Variants in FSTL5 observed in about 807,000 individuals in gnomAD.
FSTL5 encodes follistatin-related protein 5.
FSTL5 carries 62 observed loss-of-function variants against 89.1 expected under a neutral mutation model. The ratio of observed to expected loss-of-function variants is 0.70; its 90% CI spans 0.57 to 0.86. FSTL5 has a LOEUF of 0.86. Among genes scored for constraint, FSTL5 ranks in the 40% least tolerant of loss-of-function variants. FSTL5 has a pLI of 0.00. For synonymous variants in FSTL5, 383 were observed against 346.2 expected (o/e 1.11, Z -1.18); for missense variants, 1,057 against 1,001.6 (o/e 1.06, Z -0.75).
rs756706183 is a variant in FSTL5, at chr4:161,920,378, A to C, written c.409+26T>G. The C allele has an allele frequency of 2.5e-6, 4 of 1,604,474 alleles. No homozygotes were observed. In the South Asian group the frequency reaches 4.4e-5, roughly 18 times the overall value. ...GAAAGAAAAGAAATAGAGTGGGGTG[A>C]CACTTAAGGTTCACCCTTCATTTAC... On this transcript the variant is annotated intron_variant, in intron 4 of 15. Transcript: ENST00000306100.
intron 1 of FSTL5, among the ~76,000 whole-genome samples, chr4:162,121,088 T>C (rs985213799): frequency 3.3e-5 from 5 of 151,814 alleles, no homozygotes; most frequent in Non-Finnish European, 5.9e-5. Flanking sequence ...ATATATAATT[T>C]TGAATTTGTA....
At chr4:161,396,454 C>A in intron 15 of FSTL5, among the ~76,000 whole-genome samples, 1 of 145,754 alleles carries the variant, frequency 6.9e-6, no homozygotes. Flanking sequence ...CCATCCTAGC[C>A]AACATGGTGA....
intron 6 of FSTL5, among the ~76,000 whole-genome samples, chr4:161,663,938 T>C (rs1018338668): frequency 9.9e-5 from 15 of 152,192 alleles, no homozygotes; most frequent in African/African-American, 3.6e-4. Context: ...ACGTGGAAAC[T>C]GCCAAGGCTT....
At chr4:161,480,997 TA>T in intron 13 of FSTL5, 22 bp downstream of exon 13, 2 of 1,536,564 alleles carry the variant, frequency 1.3e-6, no homozygotes, top group South Asian at 1.2e-5. Flanking sequence ...ATTTACTTTT[TA>T]AAAAGTAGTA....
At chr4:161,494,115 G>T (rs1412118327) in intron 12 of FSTL5, among the ~76,000 whole-genome samples, 1 of 152,126 alleles carries the variant, frequency 6.6e-6, no homozygotes, top group Non-Finnish European at 1.5e-5. Flanking sequence ...GGAATAGTTA[G>T]AAGTAGTTTA....
intron 2 of FSTL5, among the ~76,000 whole-genome samples, chr4:162,072,215 G>C (rs114663118): frequency 6.6e-6 from 1 of 151,644 alleles, no homozygotes; most frequent in Non-Finnish European, 1.5e-5. Context: ...AGTTAATAAG[G>C]AACATCTAAT....
intron 15 of FSTL5, among the ~76,000 whole-genome samples, chr4:161,446,091 C>T (rs74398144): frequency 0.016 from 2,427 of 151,958 alleles, 31 homozygotes; most frequent in Non-Finnish European, 0.027. Flanking sequence ...TAAAAAGATA[C>T]AAAATATTAA....
At chr4:161,453,591 A>G (rs1733246671) in intron 15 of FSTL5, among the ~76,000 whole-genome samples, 2 of 152,076 alleles carry the variant, frequency 1.3e-5, no homozygotes, top group African/African-American at 2.4e-5. Flanking sequence ...ATGTGTAATA[A>G]TAATAATTAC....
At chr4:161,526,992 G>T (rs1731244085) in intron 10 of FSTL5, among the ~76,000 whole-genome samples, 1 of 152,132 alleles carries the variant, frequency 6.6e-6, no homozygotes, top group African/African-American at 2.4e-5. Flanking sequence ...GTCATTGGTA[G>T]CTTGATGGGG....
chr4:161,635,418 C>A (rs1241206613), intron 7 of FSTL5, among the ~76,000 whole-genome samples: 1 of 151,842 alleles, frequency 6.6e-6, no homozygotes, highest in Non-Finnish European at 1.5e-5. Flanking sequence ...ATTATATCTA[C>A]CTGCTATACA....
chr4:161,569,664 G>A (rs1276042756), intron 8 of FSTL5, among the ~76,000 whole-genome samples: 4 of 152,106 alleles, frequency 2.6e-5, no homozygotes, highest in Non-Finnish European at 4.4e-5. Context: ...AAGAAAGACT[G>A]ATTATGCTGG....
At chr4:161,448,593 C>T (rs1379940810) in intron 15 of FSTL5, among the ~76,000 whole-genome samples, 1 of 152,094 alleles carries the variant, frequency 6.6e-6, no homozygotes. Context: ...CATTTCCTTG[C>T]TGAATTTATG....
intron 7 of FSTL5, among the ~76,000 whole-genome samples, chr4:161,592,138 G>T (rs568384707): frequency 5.9e-5 from 9 of 152,260 alleles, no homozygotes; most frequent in African/African-American, 2.2e-4. Flanking sequence ...ATAGAAGAAA[G>T]GCTGGGTAGA....
At chr4:162,154,516 A>C (rs1277858951) in intron 1 of FSTL5, among the ~76,000 whole-genome samples, 1 of 152,208 alleles carries the variant, frequency 6.6e-6, no homozygotes, top group Non-Finnish European at 1.5e-5. Flanking sequence ...GAGCATAAAT[A>C]TAATGTTAAA....
chr4:161,724,448 A>G (rs1739323517), intron 6 of FSTL5, among the ~76,000 whole-genome samples: 1 of 152,214 alleles, frequency 6.6e-6, no homozygotes, highest in African/African-American at 2.4e-5. Flanking sequence ...TCATATATGT[A>G]CATGTATATA....
chr4:161,722,041 A>G (rs1739237357), intron 6 of FSTL5, among the ~76,000 whole-genome samples: 1 of 152,140 alleles, frequency 6.6e-6, no homozygotes, highest in Non-Finnish European at 1.5e-5. Flanking sequence ...GCAAATACAA[A>G]TGGAAAAAAA....
At chr4:161,517,284 A>G (rs1215477988) in intron 10 of FSTL5, among the ~76,000 whole-genome samples, 2 of 152,168 alleles carry the variant, frequency 1.3e-5, no homozygotes, top group Non-Finnish European at 2.9e-5. Flanking sequence ...CTGTGAAACA[A>G]CTAATGTACT....
chr4:162,079,886 T>C (rs1730021854), intron 2 of FSTL5, among the ~76,000 whole-genome samples: 1 of 151,380 alleles, frequency 6.6e-6, no homozygotes, highest in South Asian at 2.1e-4. Flanking sequence ...GTTTCTTGTA[T>C]ATATATATAA....
At chr4:161,949,396 TTC>T (rs1210632612) in intron 3 of FSTL5, among the ~76,000 whole-genome samples, 1 of 152,148 alleles carries the variant, frequency 6.6e-6, no homozygotes, top group Non-Finnish European at 1.5e-5. Flanking sequence ...TTAAAAAATC[TTC>T]TCTTTATCTT....
Sources: gnomAD v4.1 joint callset for allele counts (sites outside exome capture counted in the v4.1 genomes callset) on GRCh38, gnomAD v4.1.1 for gene constraint, MANE v1.5 for transcripts, NCBI Gene and HGNC (gene_info 2026-07-23, HGNC 2026-07-21) for gene names.